NEGR1: variants seen among roughly 807,000 people sequenced by gnomAD.
NEGR1 encodes the protein IgLON family member 4.
In NEGR1, 10 loss-of-function variants were observed where a neutral mutation model predicts 40.9. The observed-to-expected ratio is 0.24, with a 90% confidence interval of 0.15 to 0.42. NEGR1 has a LOEUF of 0.42. Among genes scored for constraint, NEGR1 ranks in the 10% least tolerant of loss-of-function variants. The probability of loss-of-function intolerance (pLI) is 1.00; values close to 1 mark genes in which losing one functional copy is unlikely to be tolerated. For synonymous variants in NEGR1, 185 were observed against 166.8 expected, an observed-to-expected ratio of 1.11 and a Z score of -0.84; for missense variants, 352 against 438.9, an observed-to-expected ratio of 0.80 and a Z score of 1.77.
chr1:71,942,977 A>ATATATATATATATATATATATGTAT (rs1557446726), intron 1 of NEGR1, among the ~76,000 whole-genome samples: 1 of 119,510 alleles, frequency 8.4e-6, no homozygotes, highest in Non-Finnish European at 1.9e-5. Flanking sequence ...TATATATATA[A>ATATATATATATATATATATATGTAT]GTATATATGT....
intron 6 of NEGR1, among the ~76,000 whole-genome samples, chr1:71,528,981 A>G (rs1647281357): frequency 6.6e-6 from 1 of 151,214 alleles, no homozygotes. Flanking sequence ...TTAGGTATAG[A>G]TGAATCGTAT....
intron 6 of NEGR1, among the ~76,000 whole-genome samples, chr1:71,582,056 T>A (rs942769186): frequency 6.6e-6 from 1 of 152,148 alleles, no homozygotes; most frequent in Non-Finnish European, 1.5e-5. Context: ...ACTAAATGTA[T>A]CATAGTGAAG....
At chr1:72,022,284 T>TATATATAC (rs1290193684) in intron 1 of NEGR1, among the ~76,000 whole-genome samples, 1 of 121,920 alleles carries the variant, frequency 8.2e-6, no homozygotes, top group African/African-American at 3.1e-5. Flanking sequence ...TATATATATA[T>TATATATAC]ATATATATAT....
intron 1 of NEGR1, among the ~76,000 whole-genome samples, chr1:72,200,277 C>A (rs1653155906): frequency 1.3e-5 from 2 of 151,988 alleles, no homozygotes; most frequent in Admixed American, 1.3e-4. Context: ...AGGTGCCCAT[C>A]AGCAGTGGGC....
intron 6 of NEGR1, among the ~76,000 whole-genome samples, chr1:71,559,671 CA>C (rs1443518517): frequency 6.6e-6 from 1 of 151,536 alleles, no homozygotes; most frequent in Non-Finnish European, 1.5e-5. Flanking sequence ...AACTTTTAAT[CA>C]AATTCCTAAA....
intron 2 of NEGR1, among the ~76,000 whole-genome samples, chr1:71,793,551 T>C (rs577885345): frequency 2.0e-5 from 3 of 151,710 alleles, no homozygotes; most frequent in Non-Finnish European, 2.9e-5. Context: ...AAAAATAAAA[T>C]GAGGAAAATA....
intron 1 of NEGR1, among the ~76,000 whole-genome samples, chr1:72,056,977 T>C (rs1647116720): frequency 6.6e-6 from 1 of 151,544 alleles, no homozygotes; most frequent in Admixed American, 6.6e-5. Context: ...TTTCCTGCAC[T>C]GATGCAAAGC....
intron 1 of NEGR1, among the ~76,000 whole-genome samples, chr1:72,157,483 C>T (rs1651402779): frequency 6.6e-6 from 1 of 152,128 alleles, no homozygotes; most frequent in Non-Finnish European, 1.5e-5. Flanking sequence ...GTAACTCTCA[C>T]ATATATTTCT....
At chr1:72,063,461 T>C (rs950336606) in intron 1 of NEGR1, among the ~76,000 whole-genome samples, 1 of 151,900 alleles carries the variant, frequency 6.6e-6, no homozygotes, top group Admixed American at 6.6e-5. Context: ...CACAAGTAAT[T>C]GCGTTTTTGC....
chr1:71,650,772 A>G (rs1651686080), intron 4 of NEGR1, among the ~76,000 whole-genome samples: 1 of 152,194 alleles, frequency 6.6e-6, no homozygotes, highest in Non-Finnish European at 1.5e-5. Context: ...GTAGTATAAA[A>G]GAAAAAAATA....
At chr1:71,839,644 T>G (rs2101800935) in intron 2 of NEGR1, among the ~76,000 whole-genome samples, 1 of 152,254 alleles carries the variant, frequency 6.6e-6, no homozygotes, top group South Asian at 2.1e-4. Context: ...AGGAATATAA[T>G]TTTGATTGTG....
intron 2 of NEGR1, among the ~76,000 whole-genome samples, chr1:71,905,269 A>T (rs1382156416): frequency 6.6e-6 from 1 of 152,104 alleles, no homozygotes; most frequent in Non-Finnish European, 1.5e-5. Context: ...TTAGTTTTTA[A>T]TCACAATATT....
chr1:71,983,569 T>C (rs2100343229), intron 1 of NEGR1, among the ~76,000 whole-genome samples: 1 of 152,306 alleles, frequency 6.6e-6, no homozygotes, highest in South Asian at 2.1e-4. Context: ...TTCAGTAAGT[T>C]TTACTTTGAG....
chr1:71,424,633 T>C (rs1247507143), intron 6 of NEGR1, among the ~76,000 whole-genome samples: 3 of 152,240 alleles, frequency 2.0e-5, no homozygotes, highest in Non-Finnish European at 2.9e-5. Context: ...TCTCCACTGG[T>C]GGCAAAAACC....
intron 6 of NEGR1, among the ~76,000 whole-genome samples, chr1:71,419,211 C>G (rs1168565919): frequency 1.3e-5 from 2 of 152,144 alleles, no homozygotes; most frequent in African/African-American, 4.8e-5. Context: ...CACCTACAAG[C>G]AATTTGCTCA....
chr1:72,113,026 T>C (rs12402629), intron 1 of NEGR1, among the ~76,000 whole-genome samples: 62,952 of 151,644 alleles, frequency 0.42, 14,277 homozygotes, highest in Admixed American at 0.55. Context: ...TTTAGTGTTT[T>C]GGATTTAAAT....
intron 2 of NEGR1, among the ~76,000 whole-genome samples, chr1:71,777,750 C>G (rs1656562532): frequency 6.6e-6 from 1 of 151,890 alleles, no homozygotes; most frequent in Non-Finnish European, 1.5e-5. Context: ...AACTCAGCCT[C>G]AAGAAAATCA....
intron 6 of NEGR1, among the ~76,000 whole-genome samples, chr1:71,532,401 T>A (rs1647383414): frequency 6.6e-6 from 1 of 151,586 alleles, no homozygotes; most frequent in Non-Finnish European, 1.5e-5. Flanking sequence ...CAAAATCTCC[T>A]ACTATAATAT....
intron 1 of NEGR1, among the ~76,000 whole-genome samples, chr1:72,271,764 C>T (rs1008094256): frequency 6.6e-6 from 1 of 151,818 alleles, no homozygotes; most frequent in Admixed American, 6.6e-5. Context: ...AGAATTCCCA[C>T]GTGTTGTGGG....
Sources: gnomAD v4.1 joint callset for allele counts (sites outside exome capture counted in the v4.1 genomes callset) on GRCh38, gnomAD v4.1.1 for gene constraint, MANE v1.5 for transcripts, NCBI Gene and HGNC (gene_info 2026-07-23, HGNC 2026-07-21) for gene names.